Variants in IQCJ observed in about 807,000 individuals in gnomAD.
IQCJ encodes the protein IQ domain-containing protein J.
Under a neutral mutation model 11.0 loss-of-function variants are expected in IQCJ, and 9 were observed. That is an observed-to-expected ratio of 0.82 (90% CI 0.49 to 1.43). IQCJ has a LOEUF of 1.43. Ranked by LOEUF, IQCJ falls within the 40% of genes most tolerant of loss-of-function variation. IQCJ has a pLI of 0.00. For missense variants in IQCJ, 146 were observed against 133.2 expected (o/e 1.10, Z -0.47); for synonymous variants, 55 against 51.3 (o/e 1.07, Z -0.31).
At chr3:159,104,203 C>T (rs1298839117) in intron 1 of IQCJ, among the ~76,000 whole-genome samples, 3 of 152,242 alleles carry the variant, frequency 2.0e-5, no homozygotes, top group Admixed American at 1.3e-4. Flanking sequence ...TCTCCCACTT[C>T]AGCCCTCTTG....
At chr3:159,183,992 C>T (rs1028834021) in intron 1 of IQCJ, among the ~76,000 whole-genome samples, 2 of 151,358 alleles carry the variant, frequency 1.3e-5, no homozygotes, top group Admixed American at 1.3e-4. Flanking sequence ...AATCTAGTTG[C>T]CCACGCAGCA....
At chr3:159,150,583 A>AACAC (rs373030886) in intron 1 of IQCJ, among the ~76,000 whole-genome samples, 6,078 of 146,116 alleles carry the variant, frequency 0.042, 156 homozygotes, top group African/African-American at 0.059. Flanking sequence ...CATTGTCCCC[A>AACAC]ACACACACAC....
At chr3:159,246,809 A>G (rs1008196803) in intron 2 of IQCJ, among the ~76,000 whole-genome samples, 7 of 152,210 alleles carry the variant, frequency 4.6e-5, no homozygotes, top group Admixed American at 1.3e-4. Context: ...GGATGTTCCT[A>G]TAAAAGAGAG....
At chr3:159,237,503 A>T (rs1335410656) in intron 1 of IQCJ, among the ~76,000 whole-genome samples, 6 of 152,230 alleles carry the variant, frequency 3.9e-5, no homozygotes, top group Admixed American at 2.6e-4. Flanking sequence ...GTTACTTTAG[A>T]ACAACTCTTA....
At position 159,161,879 on chromosome 3, in the gene IQCJ, C is replaced by T. The variant is rs574202837; in HGVS notation, c.10-83964C>T. ...TATTTCTGAGGGCTCTGTTCTGTTC[C>T]ATTGATCTATATCTCTGTTTTGGTA... On this transcript the variant is annotated intron_variant, in intron 1 of 3. Transcript: ENST00000397832. Among the ~76,000 whole-genome samples, 481 of 152,256 alleles carry T rather than the reference C, an allele frequency of 3.2e-3. 1 individual carries two copies. Among genetic ancestry groups the T allele is most frequent in the African/African-American group, 0.011 (455 of 41,538 alleles).
chr3:159,114,485 AT>A (rs1282795240), intron 1 of IQCJ, among the ~76,000 whole-genome samples: 2 of 151,588 alleles, frequency 1.3e-5, no homozygotes, highest in African/African-American at 4.9e-5. Flanking sequence ...TAATTTTTGT[AT>A]TTTTAGTAGA....
At chr3:159,150,613 C>CACACAA (rs1721158364) in intron 1 of IQCJ, among the ~76,000 whole-genome samples, 1 of 151,578 alleles carries the variant, frequency 6.6e-6, no homozygotes, top group Admixed American at 6.6e-5. Flanking sequence ...CACACACACA[C>CACACAA]ACATATTCTG....
At chr3:159,193,181 ATC>A (rs1375100657) in intron 1 of IQCJ, among the ~76,000 whole-genome samples, 1 of 152,178 alleles carries the variant, frequency 6.6e-6, no homozygotes, top group Non-Finnish European at 1.5e-5. Flanking sequence ...TGCGGAAAAT[ATC>A]TCTCTCTGCA....
At chr3:159,131,947 TACAC>T (rs139886905) in intron 1 of IQCJ, among the ~76,000 whole-genome samples, 8 of 150,118 alleles carry the variant, frequency 5.3e-5, no homozygotes, top group Admixed American at 6.7e-5. Flanking sequence ...TTACATTAAG[TACAC>T]ACACACACAC....
intron 1 of IQCJ, among the ~76,000 whole-genome samples, chr3:159,147,790 A>G (rs1412299247): frequency 6.6e-6 from 1 of 152,220 alleles, no homozygotes; most frequent in Admixed American, 6.5e-5. Flanking sequence ...TCTTGTCTAC[A>G]TAATTTTACA....
rs1449708854 is a variant in IQCJ at position 159,202,904 on chromosome 3, G to A, written c.10-42939G>A. 5.3e-5 allele frequency among the ~76,000 whole-genome samples: 8 copies of A among 152,178 alleles called. No homozygotes were observed. The South Asian group carries it at 1.0e-3, about 20-fold the overall frequency. ...GTGTGCCTTTTGAGGAAAGGAGGGA[G>A]CCACCTCAGTCAGCTTTCTTTTCAG... On this transcript the variant is annotated intron_variant, in intron 1 of 3. Transcript: ENST00000397832.
intron 1 of IQCJ, among the ~76,000 whole-genome samples, chr3:159,145,033 C>G (rs1280522033): frequency 6.6e-6 from 1 of 152,162 alleles, no homozygotes; most frequent in East Asian, 1.9e-4. Flanking sequence ...GAGCTTGAAG[C>G]AATGAGATCA....
At chr3:159,176,825 T>C (rs935857932) in intron 1 of IQCJ, among the ~76,000 whole-genome samples, 15 of 152,186 alleles carry the variant, frequency 9.9e-5, no homozygotes, top group African/African-American at 3.6e-4. Flanking sequence ...GGGTACCATA[T>C]TGACCAGGGA....
intron 1 of IQCJ, among the ~76,000 whole-genome samples, chr3:159,238,624 G>A (rs1726731078): frequency 6.6e-6 from 1 of 152,140 alleles, no homozygotes; most frequent in Non-Finnish European, 1.5e-5. Flanking sequence ...TTAAAAATAA[G>A]GATCACCAGA....
chr3:159,101,549 T>C (rs1717919252), intron 1 of IQCJ, among the ~76,000 whole-genome samples: 2 of 152,230 alleles, frequency 1.3e-5, no homozygotes, highest in African/African-American at 4.8e-5. Flanking sequence ...ATGTGTTTCA[T>C]TATAACGGCA....
At chr3:159,232,873 T>A (rs1454733805) in intron 1 of IQCJ, among the ~76,000 whole-genome samples, 1 of 152,126 alleles carries the variant, frequency 6.6e-6, no homozygotes, top group Middle Eastern at 3.2e-3. Flanking sequence ...AAGAGGACTT[T>A]AAATGAAAAC....
At chr3:159,190,954 C>T (rs1723652290) in intron 1 of IQCJ, among the ~76,000 whole-genome samples, 1 of 152,152 alleles carries the variant, frequency 6.6e-6, no homozygotes, top group Non-Finnish European at 1.5e-5. Flanking sequence ...CAATGCTTAA[C>T]ACAATAAATA....
intron 1 of IQCJ, among the ~76,000 whole-genome samples, chr3:159,101,348 G>T (rs969923356): frequency 2.0e-5 from 3 of 152,052 alleles, no homozygotes; most frequent in Non-Finnish European, 4.4e-5. Context: ...CAGGCTGGGA[G>T]CTGTAGACCG....
chr3:159,086,152 A>G (rs1576994284), intron 1 of IQCJ, among the ~76,000 whole-genome samples: 1 of 152,148 alleles, frequency 6.6e-6, no homozygotes, highest in South Asian at 2.1e-4. Flanking sequence ...CAGTTTTCCC[A>G]GCACCATTTA....
Sources: allele counts gnomAD v4.1 joint callset (sites outside exome capture counted in the v4.1 genomes callset), GRCh38; gene constraint gnomAD v4.1.1; transcripts MANE v1.5; gene names NCBI Gene and HGNC (gene_info 2026-07-23, HGNC 2026-07-21).